The following FGF13 variants were observed in gnomAD, a reference collection of about 807,000 sequenced individuals.
FGF13 encodes fibroblast growth factor 13.
FGF13 carries 2 observed loss-of-function variants against 19.5 expected under a neutral mutation model. The ratio of observed to expected loss-of-function variants is 0.10; its 90% CI spans 0.04 to 0.32. The LOEUF is 0.32. Among genes scored for constraint, FGF13 ranks in the 10% least tolerant of loss-of-function variants. The pLI is 1.00. For missense variants in FGF13, 113 were observed against 192.7 expected (o/e 0.59, Z 2.45); for synonymous variants, 72 against 76.9 (o/e 0.94, Z 0.33).
chrX:138,828,557 G>A (rs1348097752), intron 3 of FGF13, among the ~76,000 whole-genome samples: 3 of 97,696 alleles, frequency 3.1e-5, no homozygotes, highest in Admixed American at 1.1e-4. Context: ...GCGACAGAGC[G>A]AGACTCCGTC....
chrX:138,888,929 T>C (rs931153471), intron 1 of FGF13, among the ~76,000 whole-genome samples: 2 of 111,991 alleles, frequency 1.8e-5, no homozygotes, highest in East Asian at 5.7e-4. Context: ...ATAAATATGA[T>C]GCATGACACT....
At chrX:138,953,351 T>C (rs2091824153) in intron 1 of FGF13, among the ~76,000 whole-genome samples, 1 of 110,610 alleles carries the variant, frequency 9.0e-6, no homozygotes, top group Admixed American at 9.6e-5. Flanking sequence ...CACCGCCTGT[T>C]CTGACCCATA....
intron 1 of FGF13, among the ~76,000 whole-genome samples, chrX:138,948,631 A>C (rs1278774600): frequency 8.9e-6 from 1 of 111,995 alleles, no homozygotes; most frequent in Non-Finnish European, 1.9e-5. Flanking sequence ...TTAGGCATTA[A>C]GACAAAATCT....
At chrX:138,841,130 G>T (rs185822134) in intron 3 of FGF13, among the ~76,000 whole-genome samples, 1 of 110,950 alleles carries the variant, frequency 9.0e-6, no homozygotes, top group Admixed American at 9.6e-5. Context: ...TAGCTAATTC[G>T]ATCATATTAC....
intron 1 of FGF13, among the ~76,000 whole-genome samples, chrX:139,119,339 T>A (rs1041269152): frequency 8.9e-6 from 1 of 112,403 alleles, no homozygotes; most frequent in African/African-American, 3.2e-5. Flanking sequence ...TAGTAGTAAT[T>A]CGTGAATAAC....
chrX:138,997,175 A>T (rs2092047141), intron 1 of FGF13, among the ~76,000 whole-genome samples: 1 of 112,310 alleles, frequency 8.9e-6, no homozygotes, highest in African/African-American at 3.2e-5. Flanking sequence ...CCCATCTTGT[A>T]GGATACCAAC....
intron 1 of FGF13, among the ~76,000 whole-genome samples, chrX:139,036,970 C>T: frequency 9.0e-6 from 1 of 111,043 alleles, no homozygotes; most frequent in African/African-American, 3.3e-5. Context: ...TGAGTGGGGA[C>T]ACAGCCAAAC....
intron 3 of FGF13, among the ~76,000 whole-genome samples, chrX:138,750,943 C>G (rs2090393791): frequency 9.0e-6 from 1 of 110,649 alleles, no homozygotes; most frequent in Admixed American, 9.7e-5. Context: ...GTGAAGGAGA[C>G]TAGGGAAGAC....
rs139732439 is a variant in FGF13, at chrX:139,067,590, C to A, written c.-113+135826G>T. ...ACAACTTACAAGGGACAAGAAGGACCTCTTCAGGGAGAACTACAAACCACT... is the reference window on the plus strand; with the variant it reads ...ACAACTTACAAGGGACAAGAAGGACATCTTCAGGGAGAACTACAAACCACT... On this transcript the variant is annotated intron_variant, in intron 1 of 2. Transcript: ENST00000421460. Among the ~76,000 whole-genome samples, 67 of 111,790 alleles carry A rather than the reference C, an allele frequency of 6.0e-4. No homozygotes were observed. The East Asian group carries it at 0.014, about 23-fold the overall frequency.
intron 1 of FGF13, among the ~76,000 whole-genome samples, chrX:139,110,383 C>A (rs909036430): frequency 3.6e-5 from 4 of 110,219 alleles, no homozygotes; most frequent in Non-Finnish European, 7.6e-5. Context: ...CACCGAGGGA[C>A]CCGGTGGAAG....
intron 1 of FGF13, among the ~76,000 whole-genome samples, chrX:139,133,433 T>G (rs776926648): frequency 1.8e-5 from 2 of 109,187 alleles, no homozygotes; most frequent in South Asian, 4.1e-4. Context: ...TCCTGGTGGT[T>G]GTTGTACAGA....
chrX:138,752,070 A>G (rs2090402133), intron 3 of FGF13, among the ~76,000 whole-genome samples: 1 of 111,887 alleles, frequency 8.9e-6, no homozygotes, highest in Admixed American at 9.5e-5. Flanking sequence ...CCTATGATGG[A>G]CTACATGCTA....
chrX:139,067,389 G>A (rs143579050), intron 1 of FGF13, among the ~76,000 whole-genome samples: 33 of 111,794 alleles, frequency 3.0e-4, no homozygotes, highest in African/African-American at 8.1e-4. Context: ...CAATGCCATC[G>A]TCTCAGCCCA....
chrX:138,995,869 T>G (rs1205776100), intron 1 of FGF13, among the ~76,000 whole-genome samples: 1 of 112,026 alleles, frequency 8.9e-6, no homozygotes, highest in African/African-American at 3.3e-5. Context: ...TTTTAGCTTT[T>G]TGAGAAATCA....
At chrX:139,122,136 C>G (rs1222601532) in intron 1 of FGF13, among the ~76,000 whole-genome samples, 1 of 111,479 alleles carries the variant, frequency 9.0e-6, no homozygotes, top group Non-Finnish European at 1.9e-5. Context: ...TTTTCCATCT[C>G]TAACAAGTGG....
chrX:138,837,777 T>G (rs2091122983), intron 3 of FGF13, among the ~76,000 whole-genome samples: 1 of 110,057 alleles, frequency 9.1e-6, no homozygotes, highest in Non-Finnish European at 1.9e-5. Flanking sequence ...CAGTTTGGAC[T>G]CTCCAAAGCT....
chrX:138,729,998 T>A (rs60449442), intron 1 of FGF13, among the ~76,000 whole-genome samples: 5,372 of 111,256 alleles, frequency 0.048, 295 homozygotes, highest in African/African-American at 0.16. Context: ...AAAAGAAACA[T>A]AGAATTTTTC....
intron 1 of FGF13, among the ~76,000 whole-genome samples, chrX:139,168,365 A>AT (rs1171052998): frequency 1.2e-4 from 13 of 111,429 alleles, no homozygotes; most frequent in Admixed American, 6.7e-4. Context: ...TAAATATATC[A>AT]TTTTTTTATT....
chrX:138,880,383 T>C (rs2091416355), intron 1 of FGF13, among the ~76,000 whole-genome samples: 2 of 111,989 alleles, frequency 1.8e-5, no homozygotes, highest in Admixed American at 9.5e-5. Context: ...CATGCACACG[T>C]ATGTTTACTG....
Sources: allele counts gnomAD v4.1 joint callset (sites outside exome capture counted in the v4.1 genomes callset), GRCh38; gene constraint gnomAD v4.1.1; transcripts MANE v1.5; gene names NCBI Gene and HGNC (gene_info 2026-07-23, HGNC 2026-07-21).